ST6GALNAC3: variants seen among roughly 807,000 people sequenced by gnomAD.
ST6GALNAC3 encodes the protein alpha-N-acetylgalactosaminide alpha-2,6-sialyltransferase 3.
In ST6GALNAC3, 25 loss-of-function variants were observed where a neutral mutation model predicts 32.7. The observed-to-expected ratio is 0.76, with a 90% confidence interval of 0.56 to 1.07. ST6GALNAC3 has a LOEUF of 1.07. Ranked by LOEUF, ST6GALNAC3 falls within the 50% of genes least tolerant of loss-of-function variation. The pLI is 0.00. For synonymous variants in ST6GALNAC3, 129 were observed against 133.1 expected (o/e 0.97, Z 0.21); for missense variants, 355 against 382.4 (o/e 0.93, Z 0.60).
chr1:76,547,424 A>T (rs1466342539), intron 3 of ST6GALNAC3, among the ~76,000 whole-genome samples: 4 of 152,218 alleles, frequency 2.6e-5, no homozygotes, highest in African/African-American at 9.6e-5. Context: ...AATGCCTAAG[A>T]CACGGTTGAC....
At chr1:76,268,111 A>G (rs1441566451) in intron 1 of ST6GALNAC3, among the ~76,000 whole-genome samples, 1 of 152,190 alleles carries the variant, frequency 6.6e-6, no homozygotes, top group Non-Finnish European at 1.5e-5. Flanking sequence ...TGATGTGATG[A>G]GCTCTTTGTT....
At chr1:76,368,462 A>G (rs984957206) in intron 2 of ST6GALNAC3, among the ~76,000 whole-genome samples, 2 of 151,250 alleles carry the variant, frequency 1.3e-5, no homozygotes, top group Non-Finnish European at 2.9e-5. Context: ...CAGATGCCTC[A>G]CTGATGCCCC....
chr1:76,318,610 C>G (rs1378392026), intron 2 of ST6GALNAC3, among the ~76,000 whole-genome samples: 1 of 152,060 alleles, frequency 6.6e-6, no homozygotes, highest in Non-Finnish European at 1.5e-5. Context: ...TAATGCAATC[C>G]CCCATTTTAA....
At chr1:76,199,785 T>C (rs1402886672) in intron 1 of ST6GALNAC3, among the ~76,000 whole-genome samples, 1 of 152,246 alleles carries the variant, frequency 6.6e-6, no homozygotes, top group Non-Finnish European at 1.5e-5. Flanking sequence ...TAAGATGCTT[T>C]ATAACATTTC....
intron 2 of ST6GALNAC3, among the ~76,000 whole-genome samples, chr1:76,336,936 A>T (rs1021716440): frequency 6.6e-6 from 1 of 152,282 alleles, no homozygotes; most frequent in East Asian, 1.9e-4. Context: ...TTTGTGAACA[A>T]CAGCTGCATT....
At chr1:76,320,053 T>C (rs755965064) in intron 2 of ST6GALNAC3, among the ~76,000 whole-genome samples, 1 of 152,170 alleles carries the variant, frequency 6.6e-6, no homozygotes, top group African/African-American at 2.4e-5. Flanking sequence ...CTCCAGACAA[T>C]CTATGAGTGC....
intron 1 of ST6GALNAC3, among the ~76,000 whole-genome samples, chr1:76,148,353 GAAT>G (rs1483889056): frequency 6.6e-6 from 1 of 152,124 alleles, no homozygotes; most frequent in African/African-American, 2.4e-5. Context: ...AATGTTCTAC[GAAT>G]TCAGATATAG....
intron 3 of ST6GALNAC3, among the ~76,000 whole-genome samples, chr1:76,587,948 G>A (rs1452879845): frequency 6.6e-6 from 1 of 152,126 alleles, no homozygotes; most frequent in African/African-American, 2.4e-5. Flanking sequence ...GAGTAAAGAG[G>A]GCACTAGGGG....
intron 1 of ST6GALNAC3, among the ~76,000 whole-genome samples, chr1:76,077,463 C>T (rs1016748468): frequency 6.6e-6 from 1 of 151,890 alleles, no homozygotes; most frequent in Admixed American, 6.6e-5. Context: ...CAGAGGGCTT[C>T]CTATATAAGA....
intron 1 of ST6GALNAC3, among the ~76,000 whole-genome samples, chr1:76,230,741 C>T (rs920141019): frequency 6.6e-6 from 1 of 152,118 alleles, no homozygotes; most frequent in Admixed American, 6.5e-5. Context: ...AGAAGAAATA[C>T]ATTAGAAAGG....
intron 3 of ST6GALNAC3, among the ~76,000 whole-genome samples, chr1:76,551,978 A>G (rs1167065368): frequency 2.0e-5 from 3 of 152,202 alleles, no homozygotes. Context: ...CCCTGGTGAC[A>G]GCAGCCAGGA....
chr1:76,488,657 C>G (rs1223645826), intron 3 of ST6GALNAC3, among the ~76,000 whole-genome samples: 1 of 152,044 alleles, frequency 6.6e-6, no homozygotes, highest in East Asian at 1.9e-4. Flanking sequence ...GCATACTGGC[C>G]CTTTGACCCC....
chr1:76,355,042 T>C (rs1182828520), intron 2 of ST6GALNAC3, among the ~76,000 whole-genome samples: 1 of 152,232 alleles, frequency 6.6e-6, no homozygotes, highest in Non-Finnish European at 1.5e-5. Context: ...ATGTTAAGAA[T>C]TGCCTATCTT....
At chr1:76,533,172 G>A (rs1663364134) in intron 3 of ST6GALNAC3, among the ~76,000 whole-genome samples, 1 of 152,102 alleles carries the variant, frequency 6.6e-6, no homozygotes, top group African/African-American at 2.4e-5. Context: ...CTACCACTAA[G>A]GAAAGCTAAG....
intron 3 of ST6GALNAC3, among the ~76,000 whole-genome samples, chr1:76,542,729 AG>A (rs1664067075): frequency 6.6e-6 from 1 of 152,194 alleles, no homozygotes; most frequent in African/African-American, 2.4e-5. Flanking sequence ...TCTAATAGAT[AG>A]GTACATTATA....
intron 1 of ST6GALNAC3, among the ~76,000 whole-genome samples, chr1:76,142,212 A>G (rs1323083894): frequency 6.6e-6 from 1 of 152,196 alleles, no homozygotes; most frequent in Non-Finnish European, 1.5e-5. Flanking sequence ...GTCAAGGATG[A>G]GTGAGTTAGC....
At position 76,336,725 on chromosome 1, in the gene ST6GALNAC3, A is replaced by T. The variant is rs115783593; in HGVS notation, c.213+22726A>T. Reference sequence around the variant, plus strand: ...TGCTCTACCCAGCACCTCTGTGGACAGGAACTCCTTTTATCCCCCACTCAT... The same window carrying T: ...TGCTCTACCCAGCACCTCTGTGGACTGGAACTCCTTTTATCCCCCACTCAT... On this transcript the variant is annotated intron_variant, in intron 2 of 4. Transcript: ENST00000328299. Among the ~76,000 whole-genome samples the T allele has an allele frequency of 2.6e-3, 400 of 152,316 alleles. 2 individuals are homozygous for T. The highest frequency in any genetic ancestry group is 9.5e-3 in the African/African-American group (394 of 41,580).
chr1:76,395,413 CA>C (rs1330431782), intron 2 of ST6GALNAC3, among the ~76,000 whole-genome samples: 9 of 152,102 alleles, frequency 5.9e-5, no homozygotes, highest in Non-Finnish European at 1.3e-4. Flanking sequence ...ATAGAACTGC[CA>C]TATGATCCAG....
intron 1 of ST6GALNAC3, among the ~76,000 whole-genome samples, chr1:76,088,236 A>C (rs1018044241): frequency 1.3e-5 from 2 of 152,310 alleles, no homozygotes; most frequent in South Asian, 2.1e-4. Flanking sequence ...TGGCATCTAT[A>C]ACAGATGCGC....
Sources: allele counts gnomAD v4.1 joint callset (sites outside exome capture counted in the v4.1 genomes callset), GRCh38; gene constraint gnomAD v4.1.1; transcripts MANE v1.5; gene names NCBI Gene and HGNC (gene_info 2026-07-23, HGNC 2026-07-21).